Variants in SLC12A2 observed in about 807,000 individuals in gnomAD.
The protein encoded by SLC12A2 is Na-K-2Cl cotransporter 1.
SLC12A2 carries 67 observed loss-of-function variants against 136.3 expected under a neutral mutation model. The observed-to-expected ratio is 0.49, with a 90% CI of 0.40 to 0.60. The LOEUF (loss-of-function observed/expected upper bound fraction) is 0.60. SLC12A2 is among the 20% of genes least tolerant of loss of function. SLC12A2 has a pLI of 0.00. For synonymous variants in SLC12A2, 619 were observed against 562.9 expected (o/e 1.10, Z -1.41); for missense variants, 1,322 against 1,534.7 (o/e 0.86, Z 2.32).
In SLC12A2 at chr5:128,135,766, C is replaced by T; in HGVS notation, c.1366C>T (p.Pro456Ser). The change falls in exon 7 of 27, where the codon CCA (proline) becomes TCA (serine). Residue 456 changes from proline (P) to serine (S), a missense_variant. By Grantham distance (74) the Pro-to-Ser change is moderately conservative (BLOSUM62 -1). This residue lies in a region of SLC12A2 where 110 missense variants were observed against 114.5 expected (regional missense o/e 0.96). Coordinates refer to ENST00000262461, the MANE Select transcript of SLC12A2 (RefSeq NM_001046.3). ...IGDFVIGTFIPLESKKPKGFF... is the reference protein window; with the variant it reads ...IGDFVIGTFISLESKKPKGFF... Reference sequence around the variant, plus strand: ...TGATTTCGTCATAGGAACATTTATCCCACTGGAGAGCAAGAAGCCAAAAGG... The same window carrying T: ...TGATTTCGTCATAGGAACATTTATCTCACTGGAGAGCAAGAAGCCAAAAGG... The T allele has an allele frequency of 2.5e-6, 4 of 1,611,790 alleles. No individual in the cohort carries two copies. The highest frequency in any genetic ancestry group is 8.5e-7 in the Non-Finnish European group (1 of 1,178,450).
At chr5:128,169,769 GA>G (rs1235833214) in intron 18 of SLC12A2, 1 of 152,054 alleles carries the variant, frequency 6.6e-6, no homozygotes, top group Non-Finnish European at 1.5e-5. Context: ...TAGAAAAAGT[GA>G]CATTTTTTAC....
At chr5:128,152,620 C>A in intron 14 of SLC12A2, 86 bp from the exon 15 acceptor site, 5 of 833,348 alleles carry the variant, frequency 6.0e-6, no homozygotes, top group Non-Finnish European at 1.1e-5. Context: ...AATGTGAAAG[C>A]ATGTTTAATT....
At chr5:128,130,375 C>G (rs1489177799) in intron 4 of SLC12A2, among the ~76,000 whole-genome samples, 1 of 151,968 alleles carries the variant, frequency 6.6e-6, no homozygotes, top group Non-Finnish European at 1.5e-5. Flanking sequence ...ATTAGCTGAG[C>G]CAGGTGGCGC....
At chr5:128,147,038 T>C (rs1762550153) in intron 10 of SLC12A2, among the ~76,000 whole-genome samples, 5 of 148,584 alleles carry the variant, frequency 3.4e-5, no homozygotes, top group Admixed American at 3.4e-4. Flanking sequence ...ACCTGTTGAT[T>C]GAAAAAGACT....
At chr5:128,144,639 T>A (rs58863538) in intron 10 of SLC12A2, among the ~76,000 whole-genome samples, 164 of 152,324 alleles carry the variant, frequency 1.1e-3, no homozygotes, top group African/African-American at 3.8e-3. Flanking sequence ...ATACCTCTTC[T>A]TAAGCCTCAC....
intron 1 of SLC12A2, among the ~76,000 whole-genome samples, chr5:128,093,925 C>T (rs1313282854): frequency 6.6e-6 from 1 of 152,106 alleles, no homozygotes; most frequent in Non-Finnish European, 1.5e-5. Context: ...GTTTCACTTA[C>T]TCAGTGGCAC....
chr5:128,116,567 G>A (rs957799842), intron 4 of SLC12A2, among the ~76,000 whole-genome samples: 2 of 151,970 alleles, frequency 1.3e-5, no homozygotes, highest in African/African-American at 4.8e-5. Context: ...TGAAAAATCT[G>A]TTCACAAAGG....
At chr5:128,138,938 G>A (rs377135927) in intron 9 of SLC12A2, 30 bp downstream of exon 9, 16 of 1,473,138 alleles carry the variant, frequency 1.1e-5, no homozygotes, top group South Asian at 5.9e-5. Context: ...TTTATGTGTC[G>A]CAGAAATTTC....
chr5:128,115,521 C>T (rs956594469), intron 4 of SLC12A2, among the ~76,000 whole-genome samples: 1 of 152,090 alleles, frequency 6.6e-6, no homozygotes, highest in African/African-American at 2.4e-5. Flanking sequence ...AGATTTTTAC[C>T]CTCCCTAGGA....
intron 9 of SLC12A2, among the ~76,000 whole-genome samples, chr5:128,140,164 A>G (rs1762318128): frequency 1.3e-5 from 2 of 151,868 alleles, no homozygotes; most frequent in Non-Finnish European, 2.9e-5. Flanking sequence ...ACACCTGGCT[A>G]ATTTTTGTAT....
At chr5:128,113,068 C>T (rs890365535) in intron 2 of SLC12A2, 135 bp downstream of exon 2, 7 of 631,326 alleles carry the variant, frequency 1.1e-5, no homozygotes, top group African/African-American at 1.9e-5. Flanking sequence ...CTGTGGAAAA[C>T]CAAATTAATA....
chr5:128,148,479 C>T (rs1762599200), intron 11 of SLC12A2, among the ~76,000 whole-genome samples: 1 of 151,790 alleles, frequency 6.6e-6, no homozygotes, highest in Admixed American at 6.6e-5. Flanking sequence ...TTTGTTTTTA[C>T]TTGTATGCCT....
intron 1 of SLC12A2, among the ~76,000 whole-genome samples, chr5:128,111,830 A>G (rs967033235): frequency 1.3e-5 from 2 of 151,396 alleles, no homozygotes; most frequent in African/African-American, 4.9e-5. Context: ...GTGTGTGTAT[A>G]TATATATATA....
At chr5:128,125,673 T>C (rs185608722) in intron 4 of SLC12A2, among the ~76,000 whole-genome samples, 1 of 152,188 alleles carries the variant, frequency 6.6e-6, no homozygotes, top group East Asian at 1.9e-4. Flanking sequence ...TGAAGTCCGG[T>C]TTCTCTTTTT....
At chr5:128,105,525 A>G (rs1760900573) in intron 1 of SLC12A2, among the ~76,000 whole-genome samples, 1 of 152,168 alleles carries the variant, frequency 6.6e-6, no homozygotes, top group South Asian at 2.1e-4. Flanking sequence ...TCTTAATAAA[A>G]CGATTTTGGT....
At chr5:128,105,493 G>A (rs901556980) in intron 1 of SLC12A2, among the ~76,000 whole-genome samples, 3 of 152,178 alleles carry the variant, frequency 2.0e-5, no homozygotes, top group African/African-American at 7.2e-5. Context: ...ATTAGATTTA[G>A]CAGCCAAGAA....
Position 128,139,287 on chromosome 5 carries a change from A to G in SLC12A2, c.1621+379A>G, listed in dbSNP as rs894422353. ...ATGGTTATTTATTTTTTTTTTTTAC[A>G]GTATATGAAGATTCTTTCAAGGCTA... On this transcript the variant is annotated intron_variant, in intron 9 of 26. Coordinates refer to ENST00000262461, the MANE Select transcript of SLC12A2 (RefSeq NM_001046.3). Among the ~76,000 whole-genome samples the G allele has an allele frequency of 9.5e-4, 144 of 151,368 alleles. 1 individual carries two copies. The highest frequency in any genetic ancestry group is 2.4e-4 in the Non-Finnish European group (16 of 67,828).
intron 1 of SLC12A2, among the ~76,000 whole-genome samples, chr5:128,111,239 A>C (rs952823502): frequency 1.3e-5 from 2 of 152,186 alleles, no homozygotes; most frequent in Admixed American, 1.3e-4. Context: ...TTATACTTCT[A>C]TTGCTTCAAA....
At chr5:128,089,311 C>T (rs1760221493) in intron 1 of SLC12A2, among the ~76,000 whole-genome samples, 1 of 152,058 alleles carries the variant, frequency 6.6e-6, no homozygotes, top group Admixed American at 6.6e-5. Context: ...TTGCTTGAGC[C>T]CAGGAGTTTG....
Sources: gnomAD v4.1 joint callset for allele counts (sites outside exome capture counted in the v4.1 genomes callset) on GRCh38, gnomAD v4.1.1 for gene constraint, gnomAD v4.1.1 regional missense constraint, MANE v1.5 for transcripts, NCBI Gene and HGNC (gene_info 2026-07-23, HGNC 2026-07-21) for gene names.